ROBO1: variants seen among roughly 807,000 people sequenced by gnomAD.
ROBO1 encodes roundabout guidance receptor 1.
In ROBO1, 149 loss-of-function variants were observed where a neutral mutation model predicts 195.9. The ratio of observed to expected loss-of-function variants is 0.76; its 90% CI spans 0.67 to 0.87. ROBO1 has a LOEUF of 0.87. ROBO1 is among the 40% of genes least tolerant of loss of function. The pLI, the probability that ROBO1 is intolerant of heterozygous loss-of-function variation, is 0.00. For missense variants in ROBO1, 1,933 were observed against 2,068.3 expected (o/e 0.93, Z 1.27); for synonymous variants, 816 against 733.2 (o/e 1.11, Z -1.82).
intron 3 of ROBO1, among the ~76,000 whole-genome samples, chr3:78,981,365 T>C (rs1313345045): frequency 6.6e-6 from 1 of 152,082 alleles, no homozygotes; most frequent in Non-Finnish European, 1.5e-5. Flanking sequence ...GCATCTCAAA[T>C]AACAAAGAAA....
intron 2 of ROBO1, among the ~76,000 whole-genome samples, chr3:79,302,994 G>A (rs1230657962): frequency 1.3e-5 from 2 of 151,986 alleles, no homozygotes; most frequent in African/African-American, 4.8e-5. Flanking sequence ...AACTAACCAA[G>A]AAAGTACATA....
chr3:79,541,923 TATATATATAGTAA>T (rs1575995424), intron 2 of ROBO1, among the ~76,000 whole-genome samples: 1 of 151,332 alleles, frequency 6.6e-6, no homozygotes, highest in East Asian at 1.9e-4. Context: ...GTAAGATCAT[TATATATATAGTAA>T]ATATATATAG....
At chr3:78,620,883 A>ATATATGTGTGTG (rs368794312) in intron 26 of ROBO1, among the ~76,000 whole-genome samples, 2 of 144,624 alleles carry the variant, frequency 1.4e-5, no homozygotes, top group African/African-American at 2.6e-5. Context: ...ATATATATAT[A>ATATATGTGTGTG]TGTGTGTGTG....
intron 2 of ROBO1, chr3:79,532,992 A>T (rs1256746978): frequency 3.1e-6 from 1 of 320,668 alleles, no homozygotes; most frequent in East Asian, 9.6e-5. Context: ...GCTTTAAAAA[A>T]AAGTATCTTG....
chr3:79,377,993 T>C (rs182035330), intron 2 of ROBO1, among the ~76,000 whole-genome samples: 5 of 152,314 alleles, frequency 3.3e-5, no homozygotes, highest in African/African-American at 7.2e-5. Context: ...ATGTTCTTGC[T>C]CATGCAAGTC....
chr3:79,674,315 T>C (rs1010637158), intron 1 of ROBO1, among the ~76,000 whole-genome samples: 6 of 151,972 alleles, frequency 3.9e-5, no homozygotes, highest in African/African-American at 1.4e-4. Flanking sequence ...AACACGTGGC[T>C]GTTCTCAATG....
chr3:79,600,113 A>T (rs973114782), intron 1 of ROBO1, among the ~76,000 whole-genome samples: 2 of 152,018 alleles, frequency 1.3e-5, no homozygotes, highest in African/African-American at 4.8e-5. Flanking sequence ...TTGACCTTCA[A>T]TCATATTGTT....
intron 7 of ROBO1, among the ~76,000 whole-genome samples, chr3:78,715,490 C>G: frequency 6.6e-6 from 1 of 152,148 alleles, no homozygotes; most frequent in South Asian, 2.1e-4. Flanking sequence ...AGCCTCTCCC[C>G]AGAATAATGT....
chr3:78,972,125 C>T (rs1044950507), intron 3 of ROBO1, among the ~76,000 whole-genome samples: 2 of 152,166 alleles, frequency 1.3e-5, no homozygotes, highest in Admixed American at 6.5e-5. Context: ...ATAGTCATAA[C>T]AAGGAACATA....
chr3:79,176,492 C>T (rs1476075054), intron 2 of ROBO1, among the ~76,000 whole-genome samples: 1 of 152,166 alleles, frequency 6.6e-6, no homozygotes, highest in East Asian at 1.9e-4. Context: ...GAATCTCTCT[C>T]TGTCACCCAG....
intron 1 of ROBO1, among the ~76,000 whole-genome samples, chr3:79,621,228 T>C (rs1222634754): frequency 6.6e-6 from 1 of 152,144 alleles, no homozygotes; most frequent in Non-Finnish European, 1.5e-5. Flanking sequence ...TGATTTACTT[T>C]CTTTCCTTGT....
At chr3:78,806,761 A>G (rs1470314079) in intron 4 of ROBO1, among the ~76,000 whole-genome samples, 1 of 152,108 alleles carries the variant, frequency 6.6e-6, no homozygotes, top group Non-Finnish European at 1.5e-5. Flanking sequence ...GGACAATGTA[A>G]TATTCTACTG....
intron 4 of ROBO1, among the ~76,000 whole-genome samples, chr3:78,873,885 T>C (rs1355213461): frequency 1.3e-5 from 2 of 152,102 alleles, no homozygotes; most frequent in African/African-American, 4.8e-5. Context: ...GTTACTTTCA[T>C]TTCAGTTTTA....
chr3:79,675,549 G>A (rs111757375), intron 1 of ROBO1, among the ~76,000 whole-genome samples: 1 of 151,952 alleles, frequency 6.6e-6, no homozygotes, highest in Non-Finnish European at 1.5e-5. Context: ...CAAAATGACA[G>A]GTAGCTGGAG....
intron 2 of ROBO1, among the ~76,000 whole-genome samples, chr3:79,408,777 T>C (rs2037654802): frequency 6.6e-6 from 1 of 152,172 alleles, no homozygotes; most frequent in Non-Finnish European, 1.5e-5. Context: ...TTTTTCTATA[T>C]TTTAGATTTA....
At position 78,938,586 on chromosome 3, in the gene ROBO1, GC is replaced by G; in HGVS notation, c.499+14del. On this transcript the variant is annotated intron_variant, in intron 4 of 30. Transcript: ENST00000464233. Reference sequence around the variant, plus strand: ...CCACTCCCTCTGCCAAACACAGAGCGCCCAGTTTACTTACTGGCTACTTCCA... The same window carrying G: ...CCACTCCCTCTGCCAAACACAGAGCGCCAGTTTACTTACTGGCTACTTCCA... The G allele has an allele frequency of 1.9e-6, 3 of 1,592,298 alleles. No homozygotes were observed. The highest frequency in any genetic ancestry group is 2.6e-6 in the Non-Finnish European group (3 of 1,166,028).
At chr3:79,034,615 C>A (rs1337078540) in intron 3 of ROBO1, among the ~76,000 whole-genome samples, 1 of 151,884 alleles carries the variant, frequency 6.6e-6, no homozygotes, top group Non-Finnish European at 1.5e-5. Flanking sequence ...GTCTAAATTT[C>A]TAATAAAATA....
intron 3 of ROBO1, among the ~76,000 whole-genome samples, chr3:78,946,608 C>T (rs1172827675): frequency 1.3e-5 from 2 of 152,188 alleles, no homozygotes; most frequent in Non-Finnish European, 2.9e-5. Context: ...GAAGAAACTG[C>T]ATCAACTAAT....
chr3:79,345,849 G>A (rs977820652), intron 2 of ROBO1, among the ~76,000 whole-genome samples: 1 of 152,092 alleles, frequency 6.6e-6, no homozygotes, highest in Non-Finnish European at 1.5e-5. Context: ...AAACATGGTG[G>A]CTTTTTCTCT....
Sources: allele counts gnomAD v4.1 joint callset (sites outside exome capture counted in the v4.1 genomes callset), GRCh38; gene constraint gnomAD v4.1.1; transcripts MANE v1.5; gene names NCBI Gene and HGNC (gene_info 2026-07-23, HGNC 2026-07-21).